The following AUTS2 variants were observed in gnomAD, a reference collection of about 807,000 sequenced individuals.
The protein encoded by AUTS2 is activator of transcription and developmental regulator AUTS2.
Under a neutral mutation model 112.4 loss-of-function variants are expected in AUTS2, and 17 were observed. The observed-to-expected ratio is 0.15, with a 90% CI of 0.10 to 0.23. The LOEUF (loss-of-function observed/expected upper bound fraction) is 0.23. AUTS2 is among the 10% of genes least tolerant of loss of function. The probability of loss-of-function intolerance (pLI) is 1.00; values close to 1 mark genes in which losing one functional copy is unlikely to be tolerated. For missense variants in AUTS2, 1,510 were observed against 1,701.6 expected, an observed-to-expected ratio of 0.89 and a Z score of 1.98; for synonymous variants, 751 against 702.7, an observed-to-expected ratio of 1.07 and a Z score of -1.09.
At chr7:70,043,504 C>T (rs983592334) in intron 2 of AUTS2, among the ~76,000 whole-genome samples, 6 of 151,698 alleles carry the variant, frequency 4.0e-5, no homozygotes, top group African/African-American at 1.2e-4. Context: ...TGCTCTCTCC[C>T]GTTTGCATTT....
intron 5 of AUTS2, among the ~76,000 whole-genome samples, chr7:70,498,670 C>A (rs1409285607): frequency 6.6e-6 from 1 of 152,164 alleles, no homozygotes; most frequent in Non-Finnish European, 1.5e-5. Flanking sequence ...ATTTGGAGAA[C>A]AGTTGAATTT....
At chr7:69,919,910 TG>T (rs1795741189) in intron 2 of AUTS2, among the ~76,000 whole-genome samples, 3 of 152,204 alleles carry the variant, frequency 2.0e-5, no homozygotes, top group Non-Finnish European at 4.4e-5. Flanking sequence ...TGACTCACTT[TG>T]GTAAAATTAT....
chr7:70,373,370 G>A (rs909421217), intron 4 of AUTS2, among the ~76,000 whole-genome samples: 1 of 152,160 alleles, frequency 6.6e-6, no homozygotes, highest in Non-Finnish European at 1.5e-5. Flanking sequence ...CTCCCTCTTG[G>A]TTTCTGAAAA....
intron 1 of AUTS2, among the ~76,000 whole-genome samples, chr7:69,816,313 A>G (rs931875610): frequency 6.6e-6 from 1 of 152,254 alleles, no homozygotes; most frequent in African/African-American, 2.4e-5. Flanking sequence ...AGACGGAAGA[A>G]TATTAGCAGA....
chr7:69,624,636 T>C (rs1208709986), intron 1 of AUTS2, among the ~76,000 whole-genome samples: 1 of 152,194 alleles, frequency 6.6e-6, no homozygotes, highest in African/African-American at 2.4e-5. Flanking sequence ...TGTGCTCTGC[T>C]AGCAAGCATG....
At chr7:70,179,464 C>G (rs1809183174) in intron 4 of AUTS2, among the ~76,000 whole-genome samples, 1 of 152,166 alleles carries the variant, frequency 6.6e-6, no homozygotes, top group African/African-American at 2.4e-5. Flanking sequence ...CCAGCAGTGT[C>G]ACCTGCTAAC....
intron 1 of AUTS2, among the ~76,000 whole-genome samples, chr7:69,721,482 G>C (rs1173003469): frequency 6.6e-6 from 1 of 152,128 alleles, no homozygotes; most frequent in East Asian, 1.9e-4. Flanking sequence ...TAAGTTCTTT[G>C]AGAGTTCAGC....
At chr7:70,040,406 A>T (rs1801194441) in intron 2 of AUTS2, among the ~76,000 whole-genome samples, 1 of 152,224 alleles carries the variant, frequency 6.6e-6, no homozygotes, top group South Asian at 2.1e-4. Context: ...ACTGCTTTGG[A>T]GCACAAGTAA....
chr7:69,748,183 T>C (rs1787590340), intron 1 of AUTS2, among the ~76,000 whole-genome samples: 1 of 152,120 alleles, frequency 6.6e-6, no homozygotes, highest in African/African-American at 2.4e-5. Flanking sequence ...TTACTGTGTT[T>C]GCAATTTTAG....
intron 1 of AUTS2, among the ~76,000 whole-genome samples, chr7:69,809,778 C>A (rs1174220405): frequency 6.6e-6 from 1 of 152,172 alleles, no homozygotes; most frequent in Non-Finnish European, 1.5e-5. Flanking sequence ...GATTGTTCTG[C>A]TTGTAACCAA....
At chr7:69,766,577 T>C (rs1254695847) in intron 1 of AUTS2, among the ~76,000 whole-genome samples, 1 of 152,206 alleles carries the variant, frequency 6.6e-6, no homozygotes, top group Non-Finnish European at 1.5e-5. Context: ...ATTCATCGTT[T>C]TGGGCCTTGG....
intron 5 of AUTS2, among the ~76,000 whole-genome samples, chr7:70,552,488 A>G (rs1778723691): frequency 1.3e-5 from 2 of 152,224 alleles, no homozygotes. Context: ...TTTCAGCAAA[A>G]GAAACTTCTG....
At chr7:69,658,649 CTTTG>C (rs977665627) in intron 1 of AUTS2, among the ~76,000 whole-genome samples, 2 of 152,098 alleles carry the variant, frequency 1.3e-5, no homozygotes, top group African/African-American at 4.8e-5. Context: ...TCATCTCTTT[CTTTG>C]TTTGCTAAAG....
intron 1 of AUTS2, among the ~76,000 whole-genome samples, chr7:69,779,763 CAAA>C (rs767635631): frequency 1.5e-5 from 1 of 66,832 alleles, no homozygotes; most frequent in Non-Finnish European, 3.2e-5. Flanking sequence ...GACTCCATCT[CAAA>C]AAAAAAAAAA....
chr7:70,112,631 G>A (rs1805142671), intron 2 of AUTS2, among the ~76,000 whole-genome samples: 1 of 151,884 alleles, frequency 6.6e-6, no homozygotes, highest in Admixed American at 6.6e-5. Flanking sequence ...GGGTATAAAA[G>A]GTAAAGACTG....
chr7:70,284,439 G>A (rs966798011), intron 4 of AUTS2, among the ~76,000 whole-genome samples: 4 of 152,030 alleles, frequency 2.6e-5, no homozygotes, highest in Non-Finnish European at 4.4e-5. Flanking sequence ...TATGTGTTGG[G>A]AAGGGACCAT....
intron 5 of AUTS2, among the ~76,000 whole-genome samples, chr7:70,544,437 A>G (rs377539480): frequency 6.6e-6 from 1 of 152,040 alleles, no homozygotes; most frequent in South Asian, 2.1e-4. Context: ...CCAACTAGTT[A>G]GGCCGAGAAA....
chr7:70,063,630 T>C (rs1169947155), intron 2 of AUTS2, among the ~76,000 whole-genome samples: 1 of 152,182 alleles, frequency 6.6e-6, no homozygotes, highest in African/African-American at 2.4e-5. Context: ...AGGAAAGTCT[T>C]AGATGTCTAA....
chr7:70,301,223 T>C (rs1459589709), intron 4 of AUTS2, among the ~76,000 whole-genome samples: 1 of 152,226 alleles, frequency 6.6e-6, no homozygotes, highest in East Asian at 1.9e-4. Flanking sequence ...GCAAGTGTAT[T>C]GTGTCTCTGC....
Sources: allele counts gnomAD v4.1 joint callset (sites outside exome capture counted in the v4.1 genomes callset), GRCh38; gene constraint gnomAD v4.1.1; transcripts MANE v1.5; gene names NCBI Gene and HGNC (gene_info 2026-07-23, HGNC 2026-07-21).